MAP3K1: variants seen among roughly 807,000 people sequenced by gnomAD.
MAP3K1 encodes MAP/ERK kinase kinase 1.
Under a neutral mutation model 144.2 loss-of-function variants are expected in MAP3K1, and 36 were observed. The observed-to-expected ratio is 0.25, with a 90% CI of 0.19 to 0.33. The LOEUF (loss-of-function observed/expected upper bound fraction) is 0.33, where lower values mean the gene tolerates loss of function less well. Ranked by LOEUF, MAP3K1 falls within the 10% of genes least tolerant of loss-of-function variation. The pLI, the probability that MAP3K1 is intolerant of heterozygous loss-of-function variation, is 1.00. For missense variants in MAP3K1, 1,650 were observed against 1,881.9 expected (o/e 0.88, Z 2.28); for synonymous variants, 718 against 688.7 (o/e 1.04, Z -0.67).
chr5:56,821,967 G>A (rs1230214818), intron 1 of MAP3K1, among the ~76,000 whole-genome samples: 5 of 152,138 alleles, frequency 3.3e-5, no homozygotes, highest in Non-Finnish European at 5.9e-5. Flanking sequence ...AGCTTAAGAC[G>A]AGTTTTGAAG....
chr5:56,852,021 A>C (rs1747188296), intron 1 of MAP3K1: 1 of 152,066 alleles, frequency 6.6e-6, no homozygotes, highest in African/African-American at 2.4e-5. Context: ...ACTGCCGTAG[A>C]ATGGTGGTAG....
At chr5:56,886,281 G>A (rs1256251488) in intron 17 of MAP3K1, among the ~76,000 whole-genome samples, 1 of 152,080 alleles carries the variant, frequency 6.6e-6, no homozygotes, top group African/African-American at 2.4e-5. Context: ...GCGCATGCCT[G>A]TAATCCTGGC....
intron 1 of MAP3K1, among the ~76,000 whole-genome samples, chr5:56,820,199 C>T (rs1456989704): frequency 1.3e-5 from 2 of 151,884 alleles, no homozygotes; most frequent in African/African-American, 2.4e-5. Context: ...ATCACTGCAG[C>T]CCCCTAAGAT....
intron 1 of MAP3K1, among the ~76,000 whole-genome samples, chr5:56,825,356 G>A (rs1746279956): frequency 6.6e-6 from 1 of 152,150 alleles, no homozygotes; most frequent in Non-Finnish European, 1.5e-5. Flanking sequence ...TTTGTACAAA[G>A]ATTGAAGGAA....
At chr5:56,840,795 A>G (rs754971363) in intron 1 of MAP3K1, among the ~76,000 whole-genome samples, 5 of 152,076 alleles carry the variant, frequency 3.3e-5, no homozygotes, top group Admixed American at 2.6e-4. Context: ...GCCATGTTTC[A>G]TGTCTCATTT....
At chr5:56,836,406 T>G (rs1464404153) in intron 1 of MAP3K1, among the ~76,000 whole-genome samples, 1 of 152,174 alleles carries the variant, frequency 6.6e-6, no homozygotes, top group African/African-American at 2.4e-5. Flanking sequence ...ACCTTTTTTT[T>G]GGTAATAATG....
At chr5:56,853,440 G>T (rs1747237428) in intron 1 of MAP3K1, among the ~76,000 whole-genome samples, 2 of 152,202 alleles carry the variant, frequency 1.3e-5, no homozygotes, top group Non-Finnish European at 2.9e-5. Context: ...TGGGAAGGCT[G>T]TAGGACTGCC....
intron 1 of MAP3K1, among the ~76,000 whole-genome samples, chr5:56,823,084 C>G (rs1028948049): frequency 6.6e-6 from 1 of 152,152 alleles, no homozygotes; most frequent in African/African-American, 2.4e-5. Flanking sequence ...TAAATCTGAT[C>G]ATAACTTCCT....
At chr5:56,854,941 G>A (rs1033838121) in intron 1 of MAP3K1, among the ~76,000 whole-genome samples, 1 of 152,156 alleles carries the variant, frequency 6.6e-6, no homozygotes, top group Non-Finnish European at 1.5e-5. Context: ...GGGGGAAAGC[G>A]CTTTTAATAC....
intron 1 of MAP3K1, among the ~76,000 whole-genome samples, chr5:56,851,165 C>T (rs1443204339): frequency 3.3e-5 from 5 of 152,142 alleles, no homozygotes; most frequent in African/African-American, 9.7e-5. Context: ...AGGCTGGTCT[C>T]GAACTCCCAA....
chr5:56,843,186 A>AC (rs1405711868), intron 1 of MAP3K1, among the ~76,000 whole-genome samples: 1 of 151,752 alleles, frequency 6.6e-6, no homozygotes, highest in African/African-American at 2.4e-5. Context: ...CAGTCTCTTC[A>AC]CCCCCCACCC....
At chr5:56,836,683 A>C (rs1746665335) in intron 1 of MAP3K1, among the ~76,000 whole-genome samples, 1 of 152,132 alleles carries the variant, frequency 6.6e-6, no homozygotes, top group Non-Finnish European at 1.5e-5. Context: ...TGTGACTGTC[A>C]TATTATGATG....
Position 56,895,634 on chromosome 5 carries a change from T to C in MAP3K1, c.*1954T>C, listed in dbSNP as rs564901336. On this transcript the variant is annotated 3_prime_UTR_variant, in exon 20 of 20. Coordinates refer to ENST00000399503, the MANE Select transcript of MAP3K1 (RefSeq NM_005921.2). ...CAAAATCCATTGTGTTTGAGTTTGT[T>C]TGCAGTTCCCTCAGCTTGCTGGTAA... 83 of 232,642 alleles carry C rather than the reference T, an allele frequency of 3.6e-4. No individual in the cohort carries two copies. Among genetic ancestry groups the C allele is most frequent in the African/African-American group, 1.8e-3 (80 of 45,466 alleles). The allele number at this position is 232,642 out of a possible 1,614,324, so 14.4% of individuals were successfully genotyped here.
At position 56,882,543 on chromosome 5, in the gene MAP3K1, C is replaced by G. The variant is rs1394021247; in HGVS notation, c.3343C>G (p.Pro1115Ala). The part of the protein sequence containing the change: ...VIPSDETVFT[P>A]VEEKCRLDVN... ...ACCCAGTGACGAGACAGTGTTCACCCCAGTAGAGGAGAAATGCAGATTAGA... is the reference window on the plus strand; with the variant it reads ...ACCCAGTGACGAGACAGTGTTCACCGCAGTAGAGGAGAAATGCAGATTAGA... Residue 1115 changes from proline (P) to alanine (A), a missense_variant, in exon 14 of 20, where the codon CCA becomes GCA. Physicochemically the swap from Pro to Ala is conservative, Grantham distance 27. Coordinates refer to ENST00000399503, the MANE Select transcript of MAP3K1 (RefSeq NM_005921.2). 6 of 1,613,900 alleles carry G rather than the reference C, an allele frequency of 3.7e-6. No individual in the cohort carries two copies. Among genetic ancestry groups the G allele is most frequent in the Non-Finnish European group, 5.1e-6 (6 of 1,179,956 alleles).
chr5:56,831,315 G>A (rs1458182112), intron 1 of MAP3K1, among the ~76,000 whole-genome samples: 1 of 151,870 alleles, frequency 6.6e-6, no homozygotes, highest in African/African-American at 2.4e-5. Context: ...CCCACCTGCA[G>A]GATTAGGAAT....
rs1169618000 is a variant in MAP3K1 at position 56,872,539 on chromosome 5, G to A, written c.1424-102G>A. The stretch of plus-strand genomic sequence containing the variant: ...ATAAACATTTAATTAGATTATTTTT[G>A]AGGTTCCTTCTATATAAATTCTATA... On this transcript the variant is annotated intron_variant, in intron 7 of 19. Transcript: ENST00000399503. The A allele has an allele frequency of 1.4e-5, 10 of 723,610 alleles. No individual in the cohort carries two copies. The Admixed American group carries it at 1.6e-4, about 11-fold the overall frequency. The allele number at this position is 723,610 out of a possible 1,614,324, so 44.8% of individuals were successfully genotyped here. A position where few individuals can be genotyped will look rare whatever the true frequency, so the allele number is the denominator to read the frequency against.
chr5:56,815,645 A>AGGC lies in MAP3K1; in HGVS notation c.81_83dup (p.Gly29dup). On this transcript the variant is annotated inframe_insertion, in exon 1 of 20. Coordinates refer to ENST00000399503, the MANE Select transcript of MAP3K1 (RefSeq NM_005921.2). ...GCGCCAGGGCTACGAGCCCTGAGGC[A>AGGC]GGCGGCGGCGGAGGAGCCCTCAAGG... The AGGC allele has an allele frequency of 2.3e-6, 3 of 1,333,166 alleles. No homozygotes were observed. Among genetic ancestry groups the AGGC allele is most frequent in the Non-Finnish European group, 2.9e-6 (3 of 1,042,234 alleles). 82.6% of individuals were successfully genotyped at this position (1,333,166 alleles called of 1,614,324 possible).
intron 1 of MAP3K1, 143 bp downstream of exon 1, chr5:56,816,198 CCCCCCGACCCCTTCGGAGTCGGGCGGCG>C (rs1745961051): frequency 9.6e-6 from 8 of 835,812 alleles, no homozygotes; most frequent in East Asian, 4.1e-5. Context: ...CCCCTGAGCA[CCCCCCGACCCCTTCGGAGTCGGGCGGCG>C]CCCCGGACCC....
chr5:56,843,507 G>C lies in MAP3K1; in HGVS notation c.483-13093G>C, dbSNP rs139364974. Among the ~76,000 whole-genome samples, 211 of 152,298 alleles carry C rather than the reference G, an allele frequency of 1.4e-3. 1 individual carries two copies. The highest frequency in any genetic ancestry group is 4.9e-3 in the African/African-American group (204 of 41,562). ...ACTTGTAACCATATAGAGACCTTTA[G>C]AGAAAATAAATTACCAAGGTTTTTT... On this transcript the variant is annotated intron_variant, in intron 1 of 19. Coordinates refer to ENST00000399503, the MANE Select transcript of MAP3K1 (RefSeq NM_005921.2).
Sources: allele counts gnomAD v4.1 joint callset (sites outside exome capture counted in the v4.1 genomes callset), GRCh38; gene constraint gnomAD v4.1.1; transcripts MANE v1.5; gene names NCBI Gene and HGNC (gene_info 2026-07-23, HGNC 2026-07-21).